Variants in CAMK2D observed in about 807,000 individuals in gnomAD.
CAMK2D encodes calcium/calmodulin-dependent protein kinase type II subunit delta.
In CAMK2D, 37 loss-of-function variants were observed where a neutral mutation model predicts 84.0. The ratio of observed to expected loss-of-function variants is 0.44; its 90% CI spans 0.34 to 0.58. The LOEUF (loss-of-function observed/expected upper bound fraction) is 0.58. Ranked by LOEUF, CAMK2D falls within the 20% of genes least tolerant of loss-of-function variation. CAMK2D has a pLI of 0.02. For synonymous variants in CAMK2D, 202 were observed against 212.5 expected (o/e 0.95, Z 0.43); for missense variants, 448 against 652.5 (o/e 0.69, Z 3.41).
chr4:113,691,635 C>T lies in CAMK2D; in HGVS notation c.161-29863G>A, dbSNP rs148942293. ...AGACATTGTGTCGAATGCCTGTAAT[C>T]TCAGCTACTCGGGAGGCTGAGGCAA... On this transcript the variant is annotated intron_variant, in intron 2 of 20. Coordinates refer to ENST00000511664, the MANE Select transcript of CAMK2D (RefSeq NM_001321571.2). Among the ~76,000 whole-genome samples the T allele has an allele frequency of 7.9e-3, 1,208 of 152,200 alleles. 7 individuals are homozygous for T. Among genetic ancestry groups the T allele is most frequent in the Middle Eastern group, 0.017 (5 of 294 alleles).
At position 113,488,205 on chromosome 4, in the gene CAMK2D, G is replaced by A. The variant is rs575221801; in HGVS notation, c.1135+12258C>T. 2.6e-5 allele frequency among the ~76,000 whole-genome samples: 4 copies of A among 152,048 alleles called. No homozygotes were observed. In the South Asian group the frequency reaches 6.2e-4, roughly 24 times the overall value. ...GGTAATGGGAAAAAAATAGATACATGAACAAAAATGAGAAAGTTTTATAAT... is the reference window on the plus strand; with the variant it reads ...GGTAATGGGAAAAAAATAGATACATAAACAAAAATGAGAAAGTTTTATAAT... On this transcript the variant is annotated intron_variant, in intron 16 of 20. Coordinates refer to ENST00000511664, the MANE Select transcript of CAMK2D (RefSeq NM_001321571.2).
At chr4:113,499,268 A>G (rs2097994063) in intron 16 of CAMK2D, among the ~76,000 whole-genome samples, 1 of 152,182 alleles carries the variant, frequency 6.6e-6, no homozygotes, top group Admixed American at 6.5e-5. Flanking sequence ...GACCTACTAA[A>G]TAAAATTCTT....
intron 16 of CAMK2D, among the ~76,000 whole-genome samples, chr4:113,489,290 T>A: frequency 1.4e-5 from 1 of 72,290 alleles, no homozygotes. Context: ...CCCTCCCCCC[T>A]CCCCCCACCC....
intron 8 of CAMK2D, among the ~76,000 whole-genome samples, chr4:113,527,672 C>T (rs1189892933): frequency 3.3e-5 from 5 of 151,986 alleles, no homozygotes; most frequent in African/African-American, 1.2e-4. Context: ...TTTTGGGTTT[C>T]TTTTTAGTGG....
intron 16 of CAMK2D, among the ~76,000 whole-genome samples, chr4:113,487,923 TAA>T (rs1357014278): frequency 6.6e-6 from 1 of 152,042 alleles, no homozygotes; most frequent in Non-Finnish European, 1.5e-5. Flanking sequence ...AAAAAGAGCT[TAA>T]AAGTCTGTAT....
At position 113,746,950 on chromosome 4, in the gene CAMK2D, C is replaced by CAAA. The variant is rs202063823; in HGVS notation, c.160+12367_160+12369dup. 4.0e-5 allele frequency among the ~76,000 whole-genome samples: 5 copies of CAAA among 125,742 alleles called. No individual in the cohort carries two copies. In the East Asian group the frequency reaches 6.6e-4, roughly 17 times the overall value. 82.5% of individuals were successfully genotyped at this position (125,742 alleles called of 152,430 possible). ...CTACTCCCAAAGTTCCTACATCAAC[C>CAAA]AAAAAAAAAAAAAATCTACCATTAA... is the stretch of plus-strand genomic sequence containing the variant. On this transcript the variant is annotated intron_variant, in intron 2 of 20. Coordinates refer to ENST00000511664, the MANE Select transcript of CAMK2D (RefSeq NM_001321571.2).
chr4:113,489,304 A>C (rs1162249520), intron 16 of CAMK2D, among the ~76,000 whole-genome samples: 3 of 103,250 alleles, frequency 2.9e-5, no homozygotes, highest in Admixed American at 2.7e-4. Context: ...CCCACCCCAC[A>C]ACAGTCCCCA....
intron 3 of CAMK2D, among the ~76,000 whole-genome samples, chr4:113,619,787 A>G (rs2154276087): frequency 6.6e-6 from 1 of 152,302 alleles, no homozygotes; most frequent in Non-Finnish European, 1.5e-5. Context: ...CTAGGATTTC[A>G]TTGTTTAATA....
chr4:113,759,295 A>G (rs751037116), intron 2 of CAMK2D, 25 bp downstream of exon 2: 2 of 1,415,536 alleles, frequency 1.4e-6, no homozygotes, highest in Non-Finnish European at 2.0e-6. Context: ...AAAATTAACC[A>G]ATATATGTGG....
chr4:113,739,554 C>G (rs1298318341), intron 2 of CAMK2D, among the ~76,000 whole-genome samples: 2 of 152,054 alleles, frequency 1.3e-5, no homozygotes, highest in Non-Finnish European at 2.9e-5. Flanking sequence ...GTCTATGATA[C>G]AAATAAAGCT....
chr4:113,554,877 T>G (rs1315997448), intron 4 of CAMK2D, among the ~76,000 whole-genome samples: 1 of 152,082 alleles, frequency 6.6e-6, no homozygotes, highest in Non-Finnish European at 1.5e-5. Flanking sequence ...AGTTCTACTA[T>G]GATATGAAGG....
chr4:113,695,891 C>T (rs958107930), intron 2 of CAMK2D, among the ~76,000 whole-genome samples: 1 of 152,088 alleles, frequency 6.6e-6, no homozygotes, highest in Non-Finnish European at 1.5e-5. Context: ...CTATGATCTG[C>T]AATGCTATGT....
intron 2 of CAMK2D, among the ~76,000 whole-genome samples, chr4:113,746,457 C>T (rs573634291): frequency 2.0e-5 from 3 of 152,196 alleles, no homozygotes; most frequent in East Asian, 3.9e-4. Flanking sequence ...AGATTATGGA[C>T]ATTATGATTA....
At chr4:113,669,470 C>T (rs2099270866) in intron 2 of CAMK2D, among the ~76,000 whole-genome samples, 1 of 151,998 alleles carries the variant, frequency 6.6e-6, no homozygotes, top group Non-Finnish European at 1.5e-5. Flanking sequence ...AGAACAGGTA[C>T]ACTGGAGGAG....
intron 4 of CAMK2D, among the ~76,000 whole-genome samples, chr4:113,557,897 T>C (rs2098675931): frequency 6.6e-6 from 1 of 152,164 alleles, no homozygotes; most frequent in Admixed American, 6.5e-5. Context: ...AAACACATTT[T>C]AAAAATAGAA....
intron 2 of CAMK2D, among the ~76,000 whole-genome samples, chr4:113,743,882 C>G (rs2099598601): frequency 6.6e-6 from 1 of 151,952 alleles, no homozygotes; most frequent in Non-Finnish European, 1.5e-5. Flanking sequence ...ACTGTGTCGC[C>G]CAGGCTGGAG....
intron 5 of CAMK2D, among the ~76,000 whole-genome samples, chr4:113,548,256 A>G (rs1479202918): frequency 6.6e-6 from 1 of 152,202 alleles, no homozygotes; most frequent in East Asian, 1.9e-4. Flanking sequence ...AAATGGAGCA[A>G]TGCGTAACCA....
At chr4:113,642,125 A>G (rs2154295171) in intron 3 of CAMK2D, among the ~76,000 whole-genome samples, 1 of 152,324 alleles carries the variant, frequency 6.6e-6, no homozygotes, top group Middle Eastern at 3.4e-3. Context: ...GTAATGCTGA[A>G]GCTCAAGAAT....
At chr4:113,511,815 T>C (rs2098218482) in intron 12 of CAMK2D, among the ~76,000 whole-genome samples, 1 of 152,218 alleles carries the variant, frequency 6.6e-6, no homozygotes, top group Non-Finnish European at 1.5e-5. Context: ...CATTATTCAT[T>C]GTACTACTGT....
Sources: allele counts gnomAD v4.1 joint callset (sites outside exome capture counted in the v4.1 genomes callset), GRCh38; gene constraint gnomAD v4.1.1; transcripts MANE v1.5; gene names NCBI Gene and HGNC (gene_info 2026-07-23, HGNC 2026-07-21).